The following RFTN1 variants were observed in gnomAD, a reference collection of about 807,000 sequenced individuals.
The protein encoded by RFTN1 is raftlin.
Under a neutral mutation model 46.5 loss-of-function variants are expected in RFTN1, and 26 were observed. The ratio of observed to expected loss-of-function variants is 0.56; its 90% CI spans 0.41 to 0.78. RFTN1 has a LOEUF of 0.78. Among genes scored for constraint, RFTN1 ranks in the 30% least tolerant of loss-of-function variants. The pLI is 0.00. For synonymous variants in RFTN1, 261 were observed against 284.2 expected, an observed-to-expected ratio of 0.92 and a Z score of 0.82; for missense variants, 693 against 718.7, an observed-to-expected ratio of 0.96 and a Z score of 0.41.
At chr3:16,390,322 C>T (rs1344058425) in intron 4 of RFTN1, among the ~76,000 whole-genome samples, 1 of 152,166 alleles carries the variant, frequency 6.6e-6, no homozygotes, top group Non-Finnish European at 1.5e-5. Flanking sequence ...TAGCAGCACA[C>T]TCAAATATAC....
chr3:16,474,067 T>C lies in RFTN1; in HGVS notation c.145+19658A>G, dbSNP rs1324891733. 6.6e-6 allele frequency among the ~76,000 whole-genome samples: 1 copy of C among 152,368 alleles called. No homozygotes were observed. Among genetic ancestry groups the C allele is most frequent in the East Asian group, 1.9e-4 (1 of 5,190 alleles). On this transcript the variant is annotated intron_variant, in intron 2 of 9. Transcript: ENST00000334133. This position sits in a 1 kb window ranked among gnomAD's most constrained non-coding sequence, Gnocchi z 5.5. Reference sequence around the variant, plus strand: ...AGGTTCAAAGGAATTCTTTACATCATTCCTGTCTTGGGGAGGAAATCTTGC... The same window carrying C: ...AGGTTCAAAGGAATTCTTTACATCACTCCTGTCTTGGGGAGGAAATCTTGC...
At chr3:16,368,125 G>A (rs143567445) in intron 6 of RFTN1, among the ~76,000 whole-genome samples, 5 of 148,200 alleles carry the variant, frequency 3.4e-5, no homozygotes, top group Non-Finnish European at 6.0e-5. Flanking sequence ...TGGTGTCCCT[G>A]CAGGAAACAG....
rs993929685 is a variant in RFTN1 at position 16,365,516 on chromosome 3, G to T, written c.1030+4560C>A. Among the ~76,000 whole-genome samples the T allele has an allele frequency of 4.5e-4, 69 of 152,204 alleles. 4 individuals are homozygous for T. The highest frequency in any genetic ancestry group is 3.7e-3 in the Admixed American group (57 of 15,288). Reference sequence around the variant, plus strand: ...ATTTTGCAAATATATGATCATGGAGGATATGCTAGGTGTCAAAAAAAGGTG... The same window carrying T: ...ATTTTGCAAATATATGATCATGGAGTATATGCTAGGTGTCAAAAAAAGGTG... On this transcript the variant is annotated intron_variant, in intron 6 of 9. Transcript: ENST00000334133.
intron 4 of RFTN1, among the ~76,000 whole-genome samples, chr3:16,408,364 C>T (rs1227909327): frequency 1.3e-5 from 2 of 152,076 alleles, no homozygotes; most frequent in African/African-American, 4.8e-5. Context: ...GCATCTAGTA[C>T]ATTCCTGGCT....
intron 2 of RFTN1, among the ~76,000 whole-genome samples, chr3:16,464,826 T>G (rs1251717603): frequency 1.3e-5 from 2 of 152,226 alleles, no homozygotes; most frequent in East Asian, 3.8e-4. Flanking sequence ...CCCAAAATAT[T>G]TACCATCTTT....
rs1315030283 is a variant in RFTN1, at chr3:16,409,392, G to C, written c.424C>G (p.Pro142Ala). The change falls in exon 4 of 10, where the codon CCA becomes GCA. Residue 142 changes from proline (P) to alanine (A), a missense_variant. Pro to Ala is a conservative substitution (Grantham distance 27, BLOSUM62 -1). Transcript: ENST00000334133. ...LDHPTDQKLI[P>A]EFIKKIQEAA... ...GCGCTCACCTTCTTAATGAACTCTG[G>C]GATGAGTTTCTGGTCTGTCGGGTGG... The C allele has an allele frequency of 1.2e-6, 2 of 1,610,834 alleles. No homozygotes were observed. Among genetic ancestry groups the C allele is most frequent in the Non-Finnish European group, 8.5e-7 (1 of 1,177,110 alleles).
At chr3:16,472,019 A>G (rs2076205995) in intron 2 of RFTN1, 2 of 152,120 alleles carry the variant, frequency 1.3e-5, no homozygotes, top group African/African-American at 2.4e-5. Context: ...TTGTAAGCAG[A>G]GACCAAGCAC....
At chr3:16,423,911 T>A (rs1246266069) in intron 3 of RFTN1, among the ~76,000 whole-genome samples, 1 of 152,196 alleles carries the variant, frequency 6.6e-6, no homozygotes, top group Non-Finnish European at 1.5e-5. Flanking sequence ...TATTTTGTTT[T>A]TAGGGAGCAG....
chr3:16,438,664 C>G (rs1228277682), intron 2 of RFTN1, among the ~76,000 whole-genome samples: 1 of 150,504 alleles, frequency 6.6e-6, no homozygotes, highest in Non-Finnish European at 1.5e-5. Context: ...GCCTGCTAAC[C>G]CCAGTCATGT....
chr3:16,482,847 A>G, intron 2 of RFTN1: 1 of 1,535,844 alleles, frequency 6.5e-7, no homozygotes, highest in South Asian at 1.2e-5. Flanking sequence ...TCTGCCATGA[A>G]GATGAAGGAC....
intron 6 of RFTN1, among the ~76,000 whole-genome samples, chr3:16,368,929 C>G (rs1224537246): frequency 1.3e-5 from 2 of 152,222 alleles, no homozygotes; most frequent in African/African-American, 4.8e-5. Flanking sequence ...TTGGACAGCC[C>G]TGCTCTGGAT....
chr3:16,489,366 C>T lies in RFTN1; in HGVS notation c.145+4359G>A, dbSNP rs1031190258. Reference sequence around the variant, plus strand: ...CCAGGAGGTGAAGATTGCAGTGAGCCGAGATTGCACCACCACACTCCAGCC... The same window carrying T: ...CCAGGAGGTGAAGATTGCAGTGAGCTGAGATTGCACCACCACACTCCAGCC... On this transcript the variant is annotated intron_variant, in intron 2 of 9. Coordinates refer to ENST00000334133, the MANE Select transcript of RFTN1 (RefSeq NM_015150.2). The surrounding 1 kb of genome is among the most constrained non-coding windows in gnomAD (Gnocchi z 4.0). 1.3e-4 allele frequency among the ~76,000 whole-genome samples: 20 copies of T among 151,756 alleles called. No homozygotes were observed. The highest frequency in any genetic ancestry group is 3.2e-4 in the African/African-American group (13 of 41,264).
At chr3:16,396,735 T>C (rs921176730) in intron 4 of RFTN1, among the ~76,000 whole-genome samples, 3 of 152,158 alleles carry the variant, frequency 2.0e-5, no homozygotes, top group Non-Finnish European at 1.5e-5. Flanking sequence ...TATGGCAATT[T>C]TGTACTTTTG....
At position 16,345,786 on chromosome 3, in the gene RFTN1, C is replaced by CTGTGTGTGTGTGTG. The variant is rs1553726059; in HGVS notation, c.1146+12145_1146+12146insCACACACACACACA. Among the ~76,000 whole-genome samples, 1 of 81,554 alleles carries CTGTGTGTGTGTGTG rather than the reference C, an allele frequency of 1.2e-5. No homozygotes were observed. Among genetic ancestry groups the CTGTGTGTGTGTGTG allele is most frequent in the African/African-American group, 5.4e-5 (1 of 18,506 alleles). The allele number at this position is 81,554 out of a possible 152,430, so 53.5% of individuals were successfully genotyped here. ...CATGAGCCAAAACCTTATAATAAATCTCTGTGTGTGTGTGTGTGTGTGTGT... is the reference window on the plus strand; with the variant it reads ...CATGAGCCAAAACCTTATAATAAATCTGTGTGTGTGTGTGTCTGTGTGTGTGTGTGTGTGTGTGT... On this transcript the variant is annotated intron_variant, in intron 7 of 9. Coordinates refer to ENST00000334133, the MANE Select transcript of RFTN1 (RefSeq NM_015150.2). This position sits in a 1 kb window ranked among gnomAD's most constrained non-coding sequence, Gnocchi z 5.2.
chr3:16,389,235 AC>A (rs1384411033), intron 4 of RFTN1, among the ~76,000 whole-genome samples: 15 of 152,364 alleles, frequency 9.8e-5, no homozygotes, highest in African/African-American at 3.4e-4. Flanking sequence ...TGTGATTCCC[AC>A]GACTCCAGAC....
intron 3 of RFTN1, among the ~76,000 whole-genome samples, chr3:16,420,119 C>T (rs2125466369): frequency 6.6e-6 from 1 of 152,320 alleles, no homozygotes; most frequent in African/African-American, 2.4e-5. Context: ...ACAAGGAGTG[C>T]ACTGTTAACC....
Position 16,466,543 on chromosome 3 carries a change from C to T in RFTN1, c.145+27182G>A, listed in dbSNP as rs149231752. On this transcript the variant is annotated intron_variant, in intron 2 of 9. Coordinates refer to ENST00000334133, the MANE Select transcript of RFTN1 (RefSeq NM_015150.2). The surrounding 1 kb of genome is among the most constrained non-coding windows in gnomAD (Gnocchi z 5.6). Reference sequence around the variant, plus strand: ...ACTTAAGGCCGTTTCAGAGAAGCAGCCATTACACCCCTTTCCTTCTGGGCC... The same window carrying T: ...ACTTAAGGCCGTTTCAGAGAAGCAGTCATTACACCCCTTTCCTTCTGGGCC... 6.4e-4 allele frequency among the ~76,000 whole-genome samples: 98 copies of T among 152,300 alleles called. No individual in the cohort carries two copies. The highest frequency in any genetic ancestry group is 2.2e-3 in the African/African-American group (91 of 41,570).
rs1449493857 is a variant in RFTN1 at position 16,427,092 on chromosome 3, T to TA, written c.332+6758dup. Among the ~76,000 whole-genome samples, 1 of 152,176 alleles carries TA rather than the reference T, an allele frequency of 6.6e-6. No individual in the cohort carries two copies. Among genetic ancestry groups the TA allele is most frequent in the African/African-American group, 2.4e-5 (1 of 41,434 alleles). The stretch of plus-strand genomic sequence containing the variant: ...TGATGTAAGCACTACACAGAAATCT[T>TA]AGAGGCTGCAAGATGGCAGCCAGTG... On this transcript the variant is annotated intron_variant, in intron 3 of 9. Coordinates refer to ENST00000334133, the MANE Select transcript of RFTN1 (RefSeq NM_015150.2). This position sits in a 1 kb window ranked among gnomAD's most constrained non-coding sequence, Gnocchi z 5.4.
chr3:16,317,179 T>A lies in RFTN1; in HGVS notation c.1386A>T (p.Ser462=). 6.2e-7 allele frequency: 1 copy of A among 1,613,674 alleles called. No individual in the cohort carries two copies. Among genetic ancestry groups the A allele is most frequent in the Non-Finnish European group, 8.5e-7 (1 of 1,179,988 alleles). Residue 462 remains serine, a synonymous_variant, in exon 10 of 10, where the codon TCA becomes TCT. Transcript: ENST00000334133. This position sits in a 1 kb window ranked among gnomAD's most constrained non-coding sequence, Gnocchi z 4.3. ...TGTCTCTGGCACTGAGTTTACCTTTTGATTTCCTCATCTGCCTGTTGTGCA... is the reference window on the plus strand; with the variant it reads ...TGTCTCTGGCACTGAGTTTACCTTTAGATTTCCTCATCTGCCTGTTGTGCA... The part of the protein sequence containing the change: ...EEMHNRQMRK[S]KGKLSARDKQ...
Sources: gnomAD v4.1 joint callset for allele counts (sites outside exome capture counted in the v4.1 genomes callset) on GRCh38, gnomAD v4.1.1 for gene constraint, Gnocchi (gnomAD v3.1) non-coding constraint, MANE v1.5 for transcripts, NCBI Gene and HGNC (gene_info 2026-07-23, HGNC 2026-07-21) for gene names.